Variants in ANKRD17 observed in about 807,000 individuals in gnomAD.
ANKRD17 encodes the protein ankyrin repeat domain-containing protein 17.
In ANKRD17, 19 loss-of-function variants were observed where a neutral mutation model predicts 229.7. The observed-to-expected ratio is 0.08, with a 90% CI of 0.06 to 0.12. The LOEUF is 0.12. Among genes scored for constraint, ANKRD17 ranks in the 10% least tolerant of loss-of-function variants. ANKRD17 has a pLI of 1.00. For missense variants in ANKRD17, 2,176 were observed against 3,176.8 expected (o/e 0.68, Z 7.57); for synonymous variants, 1,112 against 1,146.1 (o/e 0.97, Z 0.60).
At chr4:73,135,023 G>T in intron 16 of ANKRD17, 94 bp downstream of exon 16, 1 of 1,275,288 alleles carries the variant, frequency 7.8e-7, no homozygotes, top group East Asian at 2.5e-5. Context: ...TAGAGACAAA[G>T]CAGTCTTTCA....
intron 1 of ANKRD17, among the ~76,000 whole-genome samples, chr4:73,190,161 G>C (rs1264126606): frequency 2.0e-5 from 3 of 152,120 alleles, no homozygotes; most frequent in Non-Finnish European, 4.4e-5. Flanking sequence ...CTGAGGTCAG[G>C]AGTTCGAGAC....
intron 1 of ANKRD17, among the ~76,000 whole-genome samples, chr4:73,181,221 T>TTAA (rs1271550101): frequency 2.0e-5 from 3 of 152,214 alleles, no homozygotes; most frequent in African/African-American, 7.2e-5. Flanking sequence ...CATTGATTTA[T>TTAA]TACACACACA....
chr4:73,197,239 A>G (rs1260608857), intron 1 of ANKRD17, among the ~76,000 whole-genome samples: 2 of 152,204 alleles, frequency 1.3e-5, no homozygotes, highest in Admixed American at 1.3e-4. Context: ...CTACAGCCAT[A>G]TAGAGAATAC....
rs1367717443 is a variant in ANKRD17 at position 73,243,207 on chromosome 4, T to C, written c.393+15069A>G. Among the ~76,000 whole-genome samples the C allele has an allele frequency of 2.0e-5, 3 of 152,318 alleles. No homozygotes were observed. In the East Asian group the frequency reaches 5.8e-4, roughly 29 times the overall value. On this transcript the variant is annotated intron_variant, in intron 1 of 33. Transcript: ENST00000358602. The stretch of plus-strand genomic sequence containing the variant: ...CAAGGAGCAGCCATACAAAGTTCTG[T>C]GGGGCAAGTTAGGAGTTTGGATTTT...
At chr4:73,115,382 C>G (rs566050042) in intron 23 of ANKRD17, among the ~76,000 whole-genome samples, 1 of 152,294 alleles carries the variant, frequency 6.6e-6, no homozygotes, top group African/African-American at 2.4e-5. Context: ...CCTCCACCTT[C>G]CGGGTTCAAG....
chr4:73,117,897 C>A (rs1004833412), intron 22 of ANKRD17, among the ~76,000 whole-genome samples: 1 of 152,118 alleles, frequency 6.6e-6, no homozygotes, highest in Non-Finnish European at 1.5e-5. Flanking sequence ...TTTACTTTCA[C>A]GGAATTTGTA....
intron 1 of ANKRD17, among the ~76,000 whole-genome samples, chr4:73,202,098 A>G (rs544182063): frequency 6.6e-6 from 1 of 152,246 alleles, no homozygotes; most frequent in South Asian, 2.1e-4. Context: ...CTACTTTAGC[A>G]TAATTCTCTC....
chr4:73,099,225 C>T, intron 25 of ANKRD17: 1 of 584,582 alleles, frequency 1.7e-6, no homozygotes, highest in South Asian at 1.7e-5. Context: ...CCCACCGCCC[C>T]CGCCCCTTTC....
At chr4:73,241,811 C>G (rs895945422) in intron 1 of ANKRD17, among the ~76,000 whole-genome samples, 3 of 151,990 alleles carry the variant, frequency 2.0e-5, no homozygotes, top group African/African-American at 7.2e-5. Context: ...ACCAACAGTG[C>G]ATTAAAATAA....
intron 29 of ANKRD17, among the ~76,000 whole-genome samples, chr4:73,085,755 T>C (rs573349006): frequency 5.3e-5 from 8 of 150,930 alleles, no homozygotes; most frequent in African/African-American, 1.9e-4. Context: ...AATCTCACTT[T>C]GGGGGGCCAA....
intron 1 of ANKRD17, among the ~76,000 whole-genome samples, chr4:73,185,284 G>A (rs1736142896): frequency 6.6e-6 from 1 of 150,622 alleles, no homozygotes; most frequent in Non-Finnish European, 1.5e-5. Flanking sequence ...CTCAAAAGCT[G>A]GTAATAAATA....
rs1291129045 is a variant in ANKRD17 at position 73,250,857 on chromosome 4, G to A, written c.393+7419C>T. Among the ~76,000 whole-genome samples the A allele has an allele frequency of 2.6e-5, 4 of 152,012 alleles. No homozygotes were observed. The East Asian group carries it at 5.8e-4, about 22-fold the overall frequency. On this transcript the variant is annotated intron_variant, in intron 1 of 33. Coordinates refer to ENST00000358602, the MANE Select transcript of ANKRD17 (RefSeq NM_032217.5). The stretch of plus-strand genomic sequence containing the variant: ...AAGTAGCTGGGACTTACTGGCGGGA[G>A]CCACTACGCCCGACTAATTTTTCTA...
At chr4:73,162,722 G>A (rs1189514182) in intron 2 of ANKRD17, among the ~76,000 whole-genome samples, 1 of 151,976 alleles carries the variant, frequency 6.6e-6, no homozygotes, top group Non-Finnish European at 1.5e-5. Context: ...CCATCTATAT[G>A]AAACCTAACT....
chr4:73,100,294 G>A (rs1723811075), intron 25 of ANKRD17, among the ~76,000 whole-genome samples: 2 of 152,028 alleles, frequency 1.3e-5, no homozygotes, highest in South Asian at 4.1e-4. Flanking sequence ...AAGGAAGGTG[G>A]GGCCCTGCCC....
chr4:73,148,473 G>A (rs983760017), intron 8 of ANKRD17, among the ~76,000 whole-genome samples: 1 of 152,096 alleles, frequency 6.6e-6, no homozygotes, highest in Non-Finnish European at 1.5e-5. Flanking sequence ...TTATTAGTAG[G>A]TATTCCGCCC....
intron 2 of ANKRD17, among the ~76,000 whole-genome samples, chr4:73,173,750 G>A (rs1195828505): frequency 6.6e-6 from 1 of 152,064 alleles, no homozygotes; most frequent in East Asian, 1.9e-4. Flanking sequence ...TGAATACAGG[G>A]AGCCACATGA....
Position 73,204,356 on chromosome 4 carries a change from G to A in ANKRD17, c.394-26823C>T, listed in dbSNP as rs1739145263. The stretch of plus-strand genomic sequence containing the variant: ...AGCCTGGGCGACAAAGTGAGACTCC[G>A]TCAAAAAAAAAAAAAAAAAAAAAGA... On this transcript the variant is annotated intron_variant, in intron 1 of 33. Transcript: ENST00000358602. Among the ~76,000 whole-genome samples the A allele has an allele frequency of 4.1e-5, 3 of 72,634 alleles. No individual in the cohort carries two copies. In the South Asian group the frequency reaches 1.6e-3, roughly 39 times the overall value. The allele number at this position is 72,634 out of a possible 152,430, so 47.7% of individuals were successfully genotyped here.
At chr4:73,215,205 C>T (rs1205010392) in intron 1 of ANKRD17, among the ~76,000 whole-genome samples, 1 of 151,928 alleles carries the variant, frequency 6.6e-6, no homozygotes, top group Non-Finnish European at 1.5e-5. Context: ...TTATATCTGA[C>T]ACGTGACAGC....
At position 73,097,958 on chromosome 4, in the gene ANKRD17, C is replaced by T; in HGVS notation, c.5021+115G>A. ...TCAATTGAAACAGTACCTTCTTTAGCACAAAGAAAAATCCTATTTTGCAAG... is the reference window on the plus strand; with the variant it reads ...TCAATTGAAACAGTACCTTCTTTAGTACAAAGAAAAATCCTATTTTGCAAG... On this transcript the variant is annotated intron_variant, in intron 26 of 33. Transcript: ENST00000358602. 3.3e-6 allele frequency: 3 copies of T among 922,784 alleles called. No homozygotes were observed. In the South Asian group the frequency reaches 5.5e-5, roughly 17 times the overall value. 57.2% of individuals were successfully genotyped at this position (922,784 alleles called of 1,614,324 possible).
Sources: allele counts gnomAD v4.1 joint callset (sites outside exome capture counted in the v4.1 genomes callset), GRCh38; gene constraint gnomAD v4.1.1; transcripts MANE v1.5; gene names NCBI Gene and HGNC (gene_info 2026-07-23, HGNC 2026-07-21).